Variants in AFF3 observed in about 807,000 individuals in gnomAD.
AFF3 encodes ALF transcription elongation factor 3.
A neutral mutation model predicts 129.7 loss-of-function variants in AFF3; 32 were observed. The ratio of observed to expected loss-of-function variants is 0.25; its 90% CI spans 0.19 to 0.33. The LOEUF (loss-of-function observed/expected upper bound fraction) is 0.33. Ranked by LOEUF, AFF3 falls within the 10% of genes least tolerant of loss-of-function variation. The probability of loss-of-function intolerance (pLI) is 1.00; values close to 1 mark genes in which losing one functional copy is unlikely to be tolerated. For missense variants in AFF3, 1,373 were observed against 1,592.0 expected (o/e 0.86, Z 2.34); for synonymous variants, 644 against 635.4 (o/e 1.01, Z -0.20).
chr2:99,941,268 A>G (rs1411566940), intron 7 of AFF3, among the ~76,000 whole-genome samples: 1 of 152,128 alleles, frequency 6.6e-6, no homozygotes, highest in Admixed American at 6.5e-5. Context: ...CACCACTCTG[A>G]CCTCATAGGA....
intron 8 of AFF3, among the ~76,000 whole-genome samples, chr2:99,765,467 G>A (rs944114068): frequency 6.6e-6 from 1 of 152,186 alleles, no homozygotes. Context: ...GGGAAACCTT[G>A]TATAATTTTG....
chr2:99,912,062 T>C (rs1695141831), intron 7 of AFF3, among the ~76,000 whole-genome samples: 1 of 152,134 alleles, frequency 6.6e-6, no homozygotes, highest in African/African-American at 2.4e-5. Context: ...GTGGAAGTAA[T>C]TCAGAGATCA....
chr2:99,844,273 T>G lies in AFF3; in HGVS notation c.874-6749A>C, dbSNP rs981515025. ...TCAAGTAACATAAAATCTACCATTT[T>G]AAAGTAAACAATTCAGGGGCATTTC... On this transcript the variant is annotated intron_variant, in intron 7 of 24. Coordinates refer to ENST00000672756, the MANE Select transcript of AFF3 (RefSeq NM_001386135.1). Among the ~76,000 whole-genome samples, 7 of 152,198 alleles carry G rather than the reference T, an allele frequency of 4.6e-5. No homozygotes were observed. In the South Asian group the frequency reaches 8.3e-4, roughly 18 times the overall value.
chr2:100,107,958 A>G (rs1382782869), intron 2 of AFF3, among the ~76,000 whole-genome samples: 1 of 150,158 alleles, frequency 6.7e-6, no homozygotes, highest in Non-Finnish European at 1.5e-5. Context: ...TCTCTTTATA[A>G]TCCCACCATT....
intron 12 of AFF3, among the ~76,000 whole-genome samples, chr2:99,659,220 G>A (rs1686017189): frequency 6.6e-6 from 1 of 152,200 alleles, no homozygotes; most frequent in East Asian, 1.9e-4. Context: ...TCAGCTGCCT[G>A]TTCTCAGAAT....
intron 7 of AFF3, among the ~76,000 whole-genome samples, chr2:99,850,513 G>C (rs1374238122): frequency 6.6e-6 from 1 of 152,190 alleles, no homozygotes; most frequent in Non-Finnish European, 1.5e-5. Context: ...AAAGTCCAGG[G>C]ACTAGTCCAG....
intron 4 of AFF3, among the ~76,000 whole-genome samples, chr2:100,102,190 T>G (rs917339177): frequency 6.6e-6 from 1 of 151,340 alleles, no homozygotes; most frequent in Non-Finnish European, 1.5e-5. Context: ...ACTTAAAAAT[T>G]TACGTAAACC....
intron 10 of AFF3, among the ~76,000 whole-genome samples, chr2:99,733,549 T>C (rs1230824505): frequency 6.6e-6 from 1 of 152,148 alleles, no homozygotes; most frequent in African/African-American, 2.4e-5. Flanking sequence ...AAGAAAAACA[T>C]CAGAAAAATG....
At chr2:99,584,280 C>T (rs1022548613) in intron 16 of AFF3, among the ~76,000 whole-genome samples, 5 of 151,494 alleles carry the variant, frequency 3.3e-5, no homozygotes, top group Non-Finnish European at 5.9e-5. Context: ...CCAGCCTGGC[C>T]AACACGGTGA....
chr2:99,911,058 G>A (rs1227045202), intron 7 of AFF3, among the ~76,000 whole-genome samples: 3 of 152,214 alleles, frequency 2.0e-5, no homozygotes, highest in Admixed American at 6.5e-5. Flanking sequence ...TCTGATTTGC[G>A]CACACATGCC....
intron 7 of AFF3, among the ~76,000 whole-genome samples, chr2:99,856,004 G>A (rs775803664): frequency 1.3e-5 from 2 of 151,972 alleles, no homozygotes; most frequent in Non-Finnish European, 2.9e-5. Flanking sequence ...CAAATTGAGG[G>A]GTAGTCTATA....
chr2:99,695,659 T>C (rs1236704568), intron 11 of AFF3, among the ~76,000 whole-genome samples: 1 of 152,104 alleles, frequency 6.6e-6, no homozygotes, highest in Non-Finnish European at 1.5e-5. Flanking sequence ...TAAATGAACA[T>C]GTTCAGTTCC....
intron 7 of AFF3, among the ~76,000 whole-genome samples, chr2:99,937,589 G>A (rs1226895688): frequency 6.6e-6 from 1 of 152,100 alleles, no homozygotes; most frequent in Non-Finnish European, 1.5e-5. Flanking sequence ...AGTAGAGACG[G>A]GGTTTTACCA....
intron 8 of AFF3, among the ~76,000 whole-genome samples, chr2:99,754,791 A>C (rs1681952946): frequency 6.6e-6 from 1 of 152,158 alleles, no homozygotes; most frequent in Non-Finnish European, 1.5e-5. Context: ...TTCGTACCTT[A>C]ATCAGGGTCC....
chr2:99,564,768 A>C (rs1376455024), intron 20 of AFF3, among the ~76,000 whole-genome samples: 1 of 152,184 alleles, frequency 6.6e-6, no homozygotes, highest in Non-Finnish European at 1.5e-5. Context: ...AAAACTTTTA[A>C]AAGTTAGTTT....
chr2:99,704,225 C>T (rs369417626), intron 11 of AFF3, among the ~76,000 whole-genome samples: 14 of 152,190 alleles, frequency 9.2e-5, no homozygotes, highest in African/African-American at 3.4e-4. Context: ...TCCTGTTCTC[C>T]CTGCTCTGAA....
chr2:100,002,426 G>A (rs1344824529), intron 7 of AFF3, among the ~76,000 whole-genome samples: 1 of 151,984 alleles, frequency 6.6e-6, no homozygotes, highest in African/African-American at 2.4e-5. Context: ...TCTTTTTCAT[G>A]GCATAAACGG....
chr2:100,005,147 C>T (rs1015427547), intron 7 of AFF3, among the ~76,000 whole-genome samples: 8 of 152,146 alleles, frequency 5.3e-5, no homozygotes, highest in Non-Finnish European at 1.0e-4. Context: ...CAAAGGGCAT[C>T]CTGAAAGTGT....
intron 7 of AFF3, 94 bp downstream of exon 7, chr2:100,006,538 T>TG: frequency 6.9e-7 from 1 of 1,454,478 alleles, no homozygotes; most frequent in Non-Finnish European, 9.1e-7. Flanking sequence ...ACCACATCAC[T>TG]GAAAAAAAAG....
Sources: gnomAD v4.1 joint callset for allele counts (sites outside exome capture counted in the v4.1 genomes callset) on GRCh38, gnomAD v4.1.1 for gene constraint, MANE v1.5 for transcripts, NCBI Gene and HGNC (gene_info 2026-07-23, HGNC 2026-07-21) for gene names.